The following NCOR2 variants were observed in gnomAD, a reference collection of about 807,000 sequenced individuals.
NCOR2 encodes nuclear receptor corepressor 2.
NCOR2 carries 81 observed loss-of-function variants against 262.9 expected under a neutral mutation model. That is an observed-to-expected ratio of 0.31 (90% CI 0.26 to 0.37). NCOR2 has a LOEUF of 0.37. Among genes scored for constraint, NCOR2 ranks in the 10% least tolerant of loss-of-function variants. NCOR2 has a pLI of 1.00. For synonymous variants in NCOR2, 1,659 were observed against 1,559.3 expected (o/e 1.06, Z -1.51); for missense variants, 3,385 against 3,621.4 (o/e 0.93, Z 1.68).
At chr12:124,336,276 A>C (rs1304457587) in intron 38 of NCOR2, 1 of 165,860 alleles carries the variant, frequency 6.0e-6, no homozygotes, top group Non-Finnish European at 1.3e-5. Flanking sequence ...GGCAGCCGGC[A>C]GGTGGGGGCG....
At chr12:124,558,853 C>G (rs2051974058) in intron 1 of NCOR2, among the ~76,000 whole-genome samples, 1 of 152,208 alleles carries the variant, frequency 6.6e-6, no homozygotes, top group Non-Finnish European at 1.5e-5. Flanking sequence ...TGTCACTCAT[C>G]ACCCCATTTC....
At chr12:124,414,602 A>G (rs1323244982) in intron 13 of NCOR2, among the ~76,000 whole-genome samples, 1 of 152,200 alleles carries the variant, frequency 6.6e-6, no homozygotes, top group African/African-American at 2.4e-5. Context: ...AGGGCCCAGG[A>G]AGGGAGGGAG....
In NCOR2 at chr12:124,432,305, A is replaced by G. The variant is rs1191707582; in HGVS notation, c.883-1518T>C. Among the ~76,000 whole-genome samples the G allele has an allele frequency of 1.3e-5, 2 of 152,196 alleles. No homozygotes were observed. The highest frequency in any genetic ancestry group is 4.8e-5 in the African/African-American group (2 of 41,438). On this transcript the variant is annotated intron_variant, in intron 8 of 46. Transcript: ENST00000405201. The surrounding 1 kb of genome is among the most constrained non-coding windows in gnomAD (Gnocchi z 5.1). ...CTATCCAGCAGACGGGGGCCCCTGA[A>G]GAAAACCCACAGACTTCCCCTGAGG...
chr12:124,530,226 T>C (rs1379571617), intron 1 of NCOR2: 1 of 149,558 alleles, frequency 6.7e-6, no homozygotes, highest in Non-Finnish European at 1.5e-5. Flanking sequence ...AATTTTATTA[T>C]AAAATTCTAG....
chr12:124,504,206 G>C lies in NCOR2; in HGVS notation c.-117-8838C>G, dbSNP rs2048926754. On this transcript the variant is annotated intron_variant, in intron 1 of 46. Transcript: ENST00000404621. The surrounding 1 kb of genome is among the most constrained non-coding windows in gnomAD (Gnocchi z 4.5). ...CTGGGAATCCTCCTCCTTGACCCCGGGTAGATGTACAGGGTAGAGATACGT... is the reference window on the plus strand; with the variant it reads ...CTGGGAATCCTCCTCCTTGACCCCGCGTAGATGTACAGGGTAGAGATACGT... Among the ~76,000 whole-genome samples the C allele has an allele frequency of 6.6e-6, 1 of 152,188 alleles. No individual in the cohort carries two copies. The highest frequency in any genetic ancestry group is 2.1e-4 in the South Asian group (1 of 4,832).
chr12:124,469,409 C>T (rs900256234), intron 4 of NCOR2, among the ~76,000 whole-genome samples: 2 of 152,154 alleles, frequency 1.3e-5, no homozygotes, highest in Non-Finnish European at 1.5e-5. Context: ...AGAAGGGCAT[C>T]AAAATGCTCC....
intron 22 of NCOR2, among the ~76,000 whole-genome samples, chr12:124,361,141 AAG>A (rs1282302162): frequency 1.5e-5 from 2 of 133,492 alleles, no homozygotes; most frequent in Admixed American, 7.7e-5. Flanking sequence ...AAAAAAAAAA[AAG>A]AGAAGGGGGA....
chr12:124,400,256 G>C (rs1356928372), intron 15 of NCOR2, among the ~76,000 whole-genome samples: 1 of 152,044 alleles, frequency 6.6e-6, no homozygotes, highest in Admixed American at 6.6e-5. Flanking sequence ...GTCCCCCCAC[G>C]TTAGAGGTAA....
chr12:124,427,653 C>T (rs1168865013), intron 10 of NCOR2, among the ~76,000 whole-genome samples: 5 of 152,174 alleles, frequency 3.3e-5, no homozygotes, highest in African/African-American at 4.8e-5. Flanking sequence ...GGAGAGAATC[C>T]CCCCAAGAGG....
At chr12:124,366,195 TCCA>T (rs1317714976) in intron 20 of NCOR2, among the ~76,000 whole-genome samples, 3 of 151,988 alleles carry the variant, frequency 2.0e-5, no homozygotes, top group Non-Finnish European at 4.4e-5. Context: ...CAACCCGACA[TCCA>T]CCAAGAGACG....
chr12:124,428,044 A>AGTGTGTGGGTGTGTGTGTGTGTGTGT (rs2043663667), intron 10 of NCOR2, among the ~76,000 whole-genome samples: 1 of 112,398 alleles, frequency 8.9e-6, no homozygotes, highest in South Asian at 3.2e-4. Context: ...CCATGTGGCC[A>AGTGTGTGGGTGTGTGTGTGTGTGTGT]GTGTGTGTGT....
chr12:124,337,151 G>A (rs1196263716), exon 38 of NCOR2: 10 of 1,522,832 alleles, frequency 6.6e-6, no homozygotes, highest in Admixed American at 2.0e-5. Flanking sequence ...TGTGGCAGCC[G>A]GGCGAACGGG....
chr12:124,484,172 A>G (rs1343031161), intron 2 of NCOR2, among the ~76,000 whole-genome samples: 4 of 152,190 alleles, frequency 2.6e-5, no homozygotes, highest in Admixed American at 2.6e-4. Context: ...GTTCACAGGC[A>G]CAGTCCATCC....
intron 1 of NCOR2, among the ~76,000 whole-genome samples, chr12:124,493,888 C>T (rs1001179287): frequency 2.0e-5 from 3 of 152,180 alleles, no homozygotes; most frequent in Non-Finnish European, 4.4e-5. Context: ...GCACCTGAGG[C>T]CTGTGATTTA....
At chr12:124,344,560 C>G (rs371581969) in intron 32 of NCOR2, 37 bp downstream of exon 34, 1 of 1,413,282 alleles carries the variant, frequency 7.1e-7, no homozygotes, top group Non-Finnish European at 9.3e-7. Context: ...TCCAGACAGG[C>G]GCCCACCCCA....
Position 124,405,641 on chromosome 12 carries a change from G to A in NCOR2, c.1483-3080C>T, listed in dbSNP as rs577690960. ...AGCCTTAATGATGAACATCTGCAGG[G>A]TCTCGCAGTGGCCACCCGGGAGGCC... is the stretch of plus-strand genomic sequence containing the variant. On this transcript the variant is annotated intron_variant, in intron 13 of 46. Coordinates refer to ENST00000405201, the Ensembl canonical transcript of NCOR2. Among the ~76,000 whole-genome samples, 4 of 152,330 alleles carry A rather than the reference G, an allele frequency of 2.6e-5. No individual in the cohort carries two copies. The South Asian group carries it at 8.3e-4, about 32-fold the overall frequency.
chr12:124,544,073 C>CGCCTCT (rs1400216199), intron 1 of NCOR2, among the ~76,000 whole-genome samples: 1 of 152,224 alleles, frequency 6.6e-6, no homozygotes, highest in Non-Finnish European at 1.5e-5. Context: ...CCAGCGACGC[C>CGCCTCT]GCCTCTGCCC....
chr12:124,516,405 A>G (rs1430959836), intron 1 of NCOR2, among the ~76,000 whole-genome samples: 4 of 152,220 alleles, frequency 2.6e-5, no homozygotes, highest in Non-Finnish European at 1.5e-5. Flanking sequence ...GGGGATCCCA[A>G]ACAAAGGCAG....
chr12:124,464,903 G>T (rs1455342076), intron 5 of NCOR2, among the ~76,000 whole-genome samples: 1 of 152,212 alleles, frequency 6.6e-6, no homozygotes, highest in Non-Finnish European at 1.5e-5. Context: ...TACTAGTGGT[G>T]CTTGGGGTGA....
Sources: gnomAD v4.1 joint callset for allele counts (sites outside exome capture counted in the v4.1 genomes callset) on GRCh38, gnomAD v4.1.1 for gene constraint, Gnocchi (gnomAD v3.1) non-coding constraint, MANE v1.5 for transcripts, NCBI Gene and HGNC (gene_info 2026-07-23, HGNC 2026-07-21) for gene names.